Variants in PIGK observed in about 807,000 individuals in gnomAD.
PIGK encodes GPI-anchor transamidase.
A neutral mutation model predicts 50.6 loss-of-function variants in PIGK; 42 were observed. That is an observed-to-expected ratio of 0.83 (90% CI 0.65 to 1.07). PIGK has a LOEUF of 1.07. PIGK is among the 50% of genes least tolerant of loss of function. The pLI, the probability that PIGK is intolerant of heterozygous loss-of-function variation, is 0.00. For missense variants in PIGK, 448 were observed against 488.7 expected (o/e 0.92, Z 0.78); for synonymous variants, 151 against 156.0 (o/e 0.97, Z 0.24).
Position 77,210,396 on chromosome 1 carries a change from C to G in PIGK, c.147+40G>C, listed in dbSNP as rs143625068. The stretch of plus-strand genomic sequence containing the variant: ...TCACACAAATTTCTCAGATACATAT[C>G]TAATGTGAACAGCAAGGTATACTTT... On this transcript the variant is annotated intron_variant, in intron 2 of 10. Transcript: ENST00000370812. 5 of 1,256,230 alleles carry G rather than the reference C, an allele frequency of 4.0e-6. No homozygotes were observed. In the Admixed American group the frequency reaches 1.2e-4, roughly 31 times the overall value. 77.8% of individuals were successfully genotyped at this position (1,256,230 alleles called of 1,614,324 possible).
chr1:77,110,697 T>C (rs1653820353), intron 10 of PIGK, among the ~76,000 whole-genome samples: 1 of 152,170 alleles, frequency 6.6e-6, no homozygotes, highest in African/African-American at 2.4e-5. Context: ...GACATAGGCA[T>C]GGGCAAGGAC....
At chr1:77,214,588 G>T (rs1656508373) in intron 1 of PIGK, among the ~76,000 whole-genome samples, 1 of 152,002 alleles carries the variant, frequency 6.6e-6, no homozygotes, top group Non-Finnish European at 1.5e-5. Context: ...TTAAGAACTA[G>T]AACAAGACAA....
intron 3 of PIGK, among the ~76,000 whole-genome samples, chr1:77,202,488 G>T (rs1185338008): frequency 2.0e-5 from 3 of 152,148 alleles, no homozygotes; most frequent in Non-Finnish European, 4.4e-5. Flanking sequence ...ACAATACAGT[G>T]ACTAGGAAGA....
chr1:77,208,099 G>T (rs1312779069), intron 2 of PIGK, among the ~76,000 whole-genome samples: 1 of 151,936 alleles, frequency 6.6e-6, no homozygotes, highest in Non-Finnish European at 1.5e-5. Context: ...GGTAGTTTGT[G>T]GTTGTAGTTC....
At chr1:77,111,747 T>TA (rs1344384963) in intron 10 of PIGK, among the ~76,000 whole-genome samples, 1 of 152,068 alleles carries the variant, frequency 6.6e-6, no homozygotes, top group Non-Finnish European at 1.5e-5. Flanking sequence ...CCCTAGAACT[T>TA]AAAGTATAAT....
intron 6 of PIGK, among the ~76,000 whole-genome samples, chr1:77,162,326 G>A (rs1044933762): frequency 5.9e-5 from 9 of 152,098 alleles, no homozygotes; most frequent in African/African-American, 2.2e-4. Context: ...GGACAATGAG[G>A]GATGTTATTT....
intron 10 of PIGK, among the ~76,000 whole-genome samples, chr1:77,120,452 T>C (rs1182221653): frequency 6.6e-6 from 1 of 152,052 alleles, no homozygotes; most frequent in Non-Finnish European, 1.5e-5. Context: ...ACTCCTGGGC[T>C]CAAGTGATCC....
At chr1:77,110,874 T>C (rs1653824636) in intron 10 of PIGK, among the ~76,000 whole-genome samples, 1 of 152,156 alleles carries the variant, frequency 6.6e-6, no homozygotes, top group Admixed American at 6.5e-5. Flanking sequence ...GACAAAGGGC[T>C]AATATCCAGA....
chr1:77,195,427 T>C, intron 3 of PIGK: 1 of 1,003,634 alleles, frequency 1.0e-6, no homozygotes, highest in Non-Finnish European at 1.4e-6. Context: ...CACTTCCTGT[T>C]TCCACAGGAA....
chr1:77,171,765 CTGT>C (rs10564415), intron 3 of PIGK, among the ~76,000 whole-genome samples: 2,057 of 152,198 alleles, frequency 0.014, 47 homozygotes, highest in African/African-American at 0.047. Context: ...TTCTAATTCA[CTGT>C]TTCTAAAACT....
chr1:77,146,806 A>T (rs1654779682), intron 9 of PIGK, among the ~76,000 whole-genome samples: 1 of 152,024 alleles, frequency 6.6e-6, no homozygotes, highest in East Asian at 1.9e-4. Context: ...AAAAAAAAAA[A>T]AGTAAAAGAA....
At chr1:77,159,101 G>C (rs78113676) in intron 8 of PIGK, among the ~76,000 whole-genome samples, 1,920 of 152,192 alleles carry the variant, frequency 0.013, 39 homozygotes, top group African/African-American at 0.044. Flanking sequence ...CCCCTGCACT[G>C]TGCAGTCTAG....
chr1:77,217,291 A>G (rs1484463436), intron 1 of PIGK, among the ~76,000 whole-genome samples: 1 of 152,206 alleles, frequency 6.6e-6, no homozygotes, highest in African/African-American at 2.4e-5. Flanking sequence ...CCTGGTCAGG[A>G]AAGTTTTCCT....
At chr1:77,204,909 A>G (rs951613691) in intron 3 of PIGK, among the ~76,000 whole-genome samples, 2 of 152,238 alleles carry the variant, frequency 1.3e-5, no homozygotes, top group African/African-American at 4.8e-5. Context: ...TTATTAAATA[A>G]CAAATGGCTT....
intron 3 of PIGK, among the ~76,000 whole-genome samples, chr1:77,205,516 G>T (rs1232708625): frequency 6.6e-6 from 1 of 151,698 alleles, no homozygotes; most frequent in Non-Finnish European, 1.5e-5. Context: ...TTCTGTTCCT[G>T]CAGCACTTTA....
chr1:77,181,935 C>T (rs1207183877), intron 3 of PIGK, among the ~76,000 whole-genome samples: 1 of 152,202 alleles, frequency 6.6e-6, no homozygotes, highest in Non-Finnish European at 1.5e-5. Flanking sequence ...CGTAATAAAT[C>T]TACTAACCAC....
At chr1:77,094,061 C>G (rs1653356828) in intron 10 of PIGK, among the ~76,000 whole-genome samples, 1 of 152,156 alleles carries the variant, frequency 6.6e-6, no homozygotes, top group African/African-American at 2.4e-5. Flanking sequence ...AAGACTACTG[C>G]TCAGTTTTTG....
intron 6 of PIGK, 102 bp downstream of exon 6, chr1:77,163,744 A>C: frequency 1.5e-6 from 1 of 663,970 alleles, no homozygotes. Context: ...AGAAATTGTC[A>C]AAATAAGTTA....
At chr1:77,195,736 C>T (rs192709272) in intron 3 of PIGK, among the ~76,000 whole-genome samples, 1 of 152,190 alleles carries the variant, frequency 6.6e-6, no homozygotes, top group East Asian at 1.9e-4. Flanking sequence ...GCTCAACTTA[C>T]AAACATCTAC....
Sources: allele counts gnomAD v4.1 joint callset (sites outside exome capture counted in the v4.1 genomes callset), GRCh38; gene constraint gnomAD v4.1.1; transcripts MANE v1.5; gene names NCBI Gene and HGNC (gene_info 2026-07-23, HGNC 2026-07-21).